Variants in RALGPS1 observed in about 807,000 individuals in gnomAD.
The protein encoded by RALGPS1 is Ral GEF with PH domain and SH3 binding motif 1.
Under a neutral mutation model 78.8 loss-of-function variants are expected in RALGPS1, and 19 were observed. The ratio of observed to expected loss-of-function variants is 0.24; its 90% CI spans 0.17 to 0.35. The LOEUF (loss-of-function observed/expected upper bound fraction) is 0.35, where lower values mean the gene tolerates loss of function less well. Among genes scored for constraint, RALGPS1 ranks in the 10% least tolerant of loss-of-function variants. The pLI, the probability that RALGPS1 is intolerant of heterozygous loss-of-function variation, is 1.00. For synonymous variants in RALGPS1, 228 were observed against 256.3 expected, an observed-to-expected ratio of 0.89 and a Z score of 1.06; for missense variants, 454 against 688.3, an observed-to-expected ratio of 0.66 and a Z score of 3.81.
Position 126,949,895 on chromosome 9 carries a change from G to A in RALGPS1, c.-65-12330G>A, listed in dbSNP as rs1276020845. On this transcript the variant is annotated intron_variant, in intron 1 of 18. Transcript: ENST00000259351. ...AGACATGAAGTCCTTGCCCATGCCTGTGTCCTGAATGGTAATGCCTAGGTT... is the reference window on the plus strand; with the variant it reads ...AGACATGAAGTCCTTGCCCATGCCTATGTCCTGAATGGTAATGCCTAGGTT... Among the ~76,000 whole-genome samples the A allele has an allele frequency of 3.9e-5, 6 of 152,218 alleles. No homozygotes were observed. The South Asian group carries it at 8.3e-4, about 21-fold the overall frequency.
At chr9:126,941,361 T>C (rs607602) in intron 1 of RALGPS1, among the ~76,000 whole-genome samples, 89,058 of 152,008 alleles carry the variant, frequency 0.59, 30,169 homozygotes, top group East Asian at 0.81. Context: ...GTGACAGATA[T>C]TCCATTTACC....
At chr9:126,968,776 C>T (rs932986867) in intron 3 of RALGPS1, among the ~76,000 whole-genome samples, 5 of 152,188 alleles carry the variant, frequency 3.3e-5, no homozygotes, top group Admixed American at 6.5e-5. Flanking sequence ...CGTCCGGGCG[C>T]GGTGGCTCAT....
At chr9:127,213,310 G>A (rs558076456) in intron 17 of RALGPS1, among the ~76,000 whole-genome samples, 27 of 152,332 alleles carry the variant, frequency 1.8e-4, no homozygotes, top group Non-Finnish European at 3.1e-4. Flanking sequence ...CATCACTCCA[G>A]GAGCTGTAGT....
chr9:127,218,611 C>A lies in RALGPS1; in HGVS notation c.1645-129C>A. On this transcript the variant is annotated intron_variant, in intron 18 of 18. Transcript: ENST00000259351. The surrounding 1 kb of genome is among the most constrained non-coding windows in gnomAD (Gnocchi z 4.4). ...TGGGGTGGCTATTGTTATTGCCATA[C>A]CCTCTCCCTACCCAACCTGCTCATT... 1.1e-6 allele frequency: 1 copy of A among 949,674 alleles called. No individual in the cohort carries two copies. Among genetic ancestry groups the A allele is most frequent in the Non-Finnish European group, 1.7e-6 (1 of 579,034 alleles). The allele number at this position is 949,674 out of a possible 1,614,324, so 58.8% of individuals were successfully genotyped here.
intron 18 of RALGPS1, chr9:127,217,318 A>T: frequency 9.5e-7 from 1 of 1,047,178 alleles, no homozygotes. Flanking sequence ...GCTATATGTA[A>T]TAATAAAAAG....
At position 127,033,048 on chromosome 9, in the gene RALGPS1, C is replaced by T. The variant is rs2046560347; in HGVS notation, c.217-1383C>T. Among the ~76,000 whole-genome samples the T allele has an allele frequency of 1.3e-5, 2 of 152,174 alleles. 1 individual carries two copies. Among genetic ancestry groups the T allele is most frequent in the Admixed American group, 1.3e-4 (2 of 15,280 alleles). On this transcript the variant is annotated intron_variant, in intron 4 of 18. Transcript: ENST00000259351. ...CATAGGTGAGGTGCCCTGTCCAGCACCTGCTCTGTGGGGAATTCTTGCTAA... is the reference window on the plus strand; with the variant it reads ...CATAGGTGAGGTGCCCTGTCCAGCATCTGCTCTGTGGGGAATTCTTGCTAA...
At chr9:127,046,235 CTA>C (rs1252717246) in intron 5 of RALGPS1, among the ~76,000 whole-genome samples, 3 of 152,146 alleles carry the variant, frequency 2.0e-5, no homozygotes, top group Non-Finnish European at 4.4e-5. Flanking sequence ...TTCAAATAAT[CTA>C]TGTAGATTAG....
At chr9:127,079,576 C>T (rs768547593) in intron 8 of RALGPS1, 5 of 152,210 alleles carry the variant, frequency 3.3e-5, no homozygotes, top group Non-Finnish European at 7.3e-5. Flanking sequence ...CCTTTCTACT[C>T]TCTTTTGGAT....
intron 4 of RALGPS1, among the ~76,000 whole-genome samples, chr9:126,985,012 TCTTC>T (rs2041663507): frequency 1.3e-5 from 2 of 152,242 alleles, no homozygotes; most frequent in Admixed American, 1.3e-4. Flanking sequence ...TCTCCATAAT[TCTTC>T]CTTCTCAACT....
chr9:127,070,452 G>A (rs553906509), intron 8 of RALGPS1, among the ~76,000 whole-genome samples: 13 of 152,136 alleles, frequency 8.5e-5, no homozygotes, highest in Admixed American at 2.0e-4. Flanking sequence ...GCTTCAAAAC[G>A]TATGCAAAAA....
chr9:127,012,243 G>C (rs1484557024), intron 4 of RALGPS1, among the ~76,000 whole-genome samples: 2 of 152,144 alleles, frequency 1.3e-5, no homozygotes, highest in Non-Finnish European at 2.9e-5. Flanking sequence ...GTCATCTCAT[G>C]TTTGTTTTGT....
chr9:127,045,209 TGAG>T (rs2047647492), intron 5 of RALGPS1, among the ~76,000 whole-genome samples: 1 of 152,230 alleles, frequency 6.6e-6, no homozygotes, highest in African/African-American at 2.4e-5. Flanking sequence ...AAATTCAACT[TGAG>T]GGATCAGTGT....
At chr9:127,175,677 C>CTTTT (rs11354346) in intron 11 of RALGPS1, among the ~76,000 whole-genome samples, 16 of 108,970 alleles carry the variant, frequency 1.5e-4, no homozygotes, top group Non-Finnish European at 2.2e-4. Flanking sequence ...TTTGGGCCTC[C>CTTTT]TTTTTTTTTT....
In RALGPS1 at chr9:127,125,193, G is replaced by A. The variant is rs141783589; in HGVS notation, c.611-40876G>A. On this transcript the variant is annotated intron_variant, in intron 8 of 18. Transcript: ENST00000259351. ...AATGAAATAAGATGTGATACATTAAGTGTAACACACACTGCCTAGTACAAG... is the reference window on the plus strand; with the variant it reads ...AATGAAATAAGATGTGATACATTAAATGTAACACACACTGCCTAGTACAAG... Among the ~76,000 whole-genome samples the A allele has an allele frequency of 7.4e-4, 113 of 152,358 alleles. No individual in the cohort carries two copies. In the East Asian group the frequency reaches 0.021, roughly 28 times the overall value.
chr9:127,085,822 A>G (rs1395063954), intron 8 of RALGPS1, among the ~76,000 whole-genome samples: 1 of 151,860 alleles, frequency 6.6e-6, no homozygotes, highest in African/African-American at 2.4e-5. Context: ...TGTCCCACAC[A>G]CTCCACTCCA....
At chr9:126,982,784 C>CTCTTCT (rs372888642) in intron 4 of RALGPS1, among the ~76,000 whole-genome samples, 2 of 149,424 alleles carry the variant, frequency 1.3e-5, no homozygotes, top group Non-Finnish European at 3.0e-5. Context: ...CTTCTTCTTC[C>CTCTTCT]TCTTCTTCTT....
chr9:127,196,644 G>T lies in RALGPS1; in HGVS notation c.1195+13G>T, dbSNP rs369669620. On this transcript the variant is annotated intron_variant, in intron 13 of 18. Coordinates refer to ENST00000259351, the MANE Select transcript of RALGPS1 (RefSeq NM_014636.3). ...GGACTCTCCCTAGGTAAGCGTCTCC[G>T]GCCTGCACATGATAGGCTGGTGGGC... 1.3e-6 allele frequency: 2 copies of T among 1,576,178 alleles called. No individual in the cohort carries two copies. The highest frequency in any genetic ancestry group is 1.9e-5 in the Admixed American group (1 of 54,052).
Position 127,188,832 on chromosome 9 carries a change from T to TTAAAAAAAAAAAAAAAAAAAAAA in RALGPS1, c.911-6259_911-6258insTAAAAAAAAAAAAAAAAAAAAAA, listed in dbSNP as rs756481918. 8.1e-3 allele frequency among the ~76,000 whole-genome samples: 709 copies of TTAAAAAAAAAAAAAAAAAAAAAA among 87,374 alleles called. 137 individuals are homozygous for TTAAAAAAAAAAAAAAAAAAAAAA. The highest frequency in any genetic ancestry group is 0.016 in the East Asian group (40 of 2,434). 57.3% of individuals were successfully genotyped at this position (87,374 alleles called of 152,430 possible). A position where few individuals can be genotyped will look rare whatever the true frequency, so the allele number is the denominator to read the frequency against. Reference sequence around the variant, plus strand: ...AAAGACTAAGAAACCCCATCTCTACTAAAAAAAAAAAAAAAAATGTAGCCA... The same window carrying TTAAAAAAAAAAAAAAAAAAAAAA: ...AAAGACTAAGAAACCCCATCTCTACTTAAAAAAAAAAAAAAAAAAAAAAAAAAAAAAAAAAAAAAATGTAGCCA... On this transcript the variant is annotated intron_variant, in intron 11 of 18. Coordinates refer to ENST00000259351, the MANE Select transcript of RALGPS1 (RefSeq NM_014636.3).
chr9:127,018,662 A>G (rs2045135198), intron 4 of RALGPS1, among the ~76,000 whole-genome samples: 1 of 150,302 alleles, frequency 6.7e-6, no homozygotes, highest in Middle Eastern at 3.2e-3. Context: ...TAATAATAAT[A>G]ATAATAATAA....
Sources: allele counts gnomAD v4.1 joint callset (sites outside exome capture counted in the v4.1 genomes callset), GRCh38; gene constraint gnomAD v4.1.1; non-coding constraint Gnocchi (gnomAD v3.1); transcripts MANE v1.5; gene names NCBI Gene and HGNC (gene_info 2026-07-23, HGNC 2026-07-21).